The following PRR5L variants were observed in gnomAD, a reference collection of about 807,000 sequenced individuals.
PRR5L encodes the protein proline-rich protein 5-like.
In PRR5L, 21 loss-of-function variants were observed where a neutral mutation model predicts 36.4. The ratio of observed to expected loss-of-function variants is 0.58; its 90% CI spans 0.41 to 0.83. PRR5L has a LOEUF of 0.83. PRR5L is among the 40% of genes least tolerant of loss of function. PRR5L has a pLI of 0.00. For missense variants in PRR5L, 381 were observed against 473.3 expected (o/e 0.80, Z 1.81); for synonymous variants, 188 against 197.0 (o/e 0.95, Z 0.38).
chr11:36,301,762 A>G (rs1277195585), intron 1 of PRR5L, among the ~76,000 whole-genome samples: 1 of 152,242 alleles, frequency 6.6e-6, no homozygotes, highest in Admixed American at 6.5e-5. Flanking sequence ...GAAGACCCTA[A>G]GAGAGAATTG....
intron 1 of PRR5L, among the ~76,000 whole-genome samples, chr11:36,341,044 C>A (rs766676945): frequency 1.3e-5 from 2 of 152,168 alleles, no homozygotes; most frequent in Admixed American, 1.3e-4. Flanking sequence ...CCATCTCCAT[C>A]CCAGATTCTC....
At chr11:36,329,043 A>G (rs1350937788) in intron 1 of PRR5L, 3 of 152,344 alleles carry the variant, frequency 2.0e-5, no homozygotes, top group East Asian at 1.9e-4. Context: ...GGGCATTTCT[A>G]TGGAGACAAA....
chr11:36,415,720 G>T (rs1009501887), intron 3 of PRR5L, among the ~76,000 whole-genome samples: 4 of 152,060 alleles, frequency 2.6e-5, no homozygotes, highest in African/African-American at 9.7e-5. Context: ...CTCCAGCTTG[G>T]GCAACAGAGT....
At chr11:36,454,341 T>G (rs1859004804) in intron 8 of PRR5L, among the ~76,000 whole-genome samples, 1 of 152,172 alleles carries the variant, frequency 6.6e-6, no homozygotes, top group Non-Finnish European at 1.5e-5. Context: ...CCATCCTGAC[T>G]GAGGACACTG....
intron 2 of PRR5L, 67 bp from the exon 3 acceptor site, chr11:36,403,231 T>G: frequency 5.5e-5 from 77 of 1,393,166 alleles, no homozygotes; most frequent in Non-Finnish European, 6.9e-5. Flanking sequence ...CCTTCAGCCC[T>G]GAGCTGCTAT....
chr11:36,342,618 C>T (rs1289856543), intron 1 of PRR5L, among the ~76,000 whole-genome samples: 1 of 152,134 alleles, frequency 6.6e-6, no homozygotes, highest in African/African-American at 2.4e-5. Context: ...GGAGAACTCT[C>T]AGAACACCCA....
intron 1 of PRR5L, among the ~76,000 whole-genome samples, chr11:36,375,113 T>C (rs1857240274): frequency 1.3e-5 from 2 of 151,940 alleles, no homozygotes; most frequent in African/African-American, 4.8e-5. Flanking sequence ...TGCATGCCTG[T>C]AATCCCAGCT....
At chr11:36,348,658 T>C (rs1292243081) in intron 1 of PRR5L, among the ~76,000 whole-genome samples, 1 of 152,200 alleles carries the variant, frequency 6.6e-6, no homozygotes, top group East Asian at 1.9e-4. Flanking sequence ...GTCTTACATA[T>C]TTTCATATTA....
chr11:36,365,541 A>G (rs1376050304), intron 1 of PRR5L, among the ~76,000 whole-genome samples: 1 of 152,232 alleles, frequency 6.6e-6, no homozygotes, highest in East Asian at 1.9e-4. Flanking sequence ...CAAGTTCTTA[A>G]TATACGACTG....
chr11:36,413,954 C>T (rs374032991), intron 3 of PRR5L, among the ~76,000 whole-genome samples: 1 of 145,662 alleles, frequency 6.9e-6, no homozygotes, highest in Non-Finnish European at 1.5e-5. Flanking sequence ...TGAGTGAGAA[C>T]ATGCGGTGTT....
chr11:36,310,342 C>T (rs1217462655), intron 1 of PRR5L, among the ~76,000 whole-genome samples: 1 of 152,122 alleles, frequency 6.6e-6, no homozygotes, highest in African/African-American at 2.4e-5. Context: ...TCCCCTGATC[C>T]TTAGGAGCTG....
intron 2 of PRR5L, among the ~76,000 whole-genome samples, chr11:36,402,520 GGCGTGA>G: frequency 6.6e-6 from 1 of 152,238 alleles, no homozygotes; most frequent in East Asian, 1.9e-4. Flanking sequence ...TGGGATTACA[GGCGTGA>G]GCCACTGTGC....
intron 1 of PRR5L, among the ~76,000 whole-genome samples, chr11:36,360,652 G>T (rs554292938): frequency 2.6e-4 from 39 of 152,334 alleles, no homozygotes; most frequent in African/African-American, 9.1e-4. Context: ...TGTATGTTTA[G>T]GGTCAGTGTG....
intron 3 of PRR5L, among the ~76,000 whole-genome samples, chr11:36,405,804 T>C (rs1857897910): frequency 6.6e-6 from 1 of 152,182 alleles, no homozygotes; most frequent in Non-Finnish European, 1.5e-5. Context: ...GATGGCCCTC[T>C]TCCCGACTGG....
At chr11:36,374,086 C>T (rs1417990076) in intron 1 of PRR5L, among the ~76,000 whole-genome samples, 2 of 117,186 alleles carry the variant, frequency 1.7e-5, no homozygotes, top group Non-Finnish European at 3.5e-5. Flanking sequence ...TCCTTCCTTC[C>T]TTCCTTCCTT....
rs749021854 is a variant in PRR5L at position 36,462,665 on chromosome 11, C to A, written c.1036C>A (p.Pro346Thr). 1.9e-6 allele frequency: 3 copies of A among 1,609,688 alleles called. No homozygotes were observed. In the Admixed American group the frequency reaches 5.0e-5, roughly 27 times the overall value. ...CAGTGAGCCCAACATCACTGACAACCCTGACGGACTGGAGGAGGGGGCCAG... is the reference window on the plus strand; with the variant it reads ...CAGTGAGCCCAACATCACTGACAACACTGACGGACTGGAGGAGGGGGCCAG... ...CSSEPNITDN[P>T]DGLEEGARGS... The change falls in exon 9 of 9, where the codon CCT becomes ACT. Residue 346 changes from proline to threonine, a missense_variant. Coordinates refer to ENST00000530639, the MANE Select transcript of PRR5L (RefSeq NM_001160167.2).
chr11:36,438,771 C>T (rs963262416), intron 6 of PRR5L, among the ~76,000 whole-genome samples: 31 of 151,924 alleles, frequency 2.0e-4, no homozygotes, highest in African/African-American at 7.3e-4. Flanking sequence ...GACAACCCAT[C>T]TCTATTAAAA....
intron 1 of PRR5L, among the ~76,000 whole-genome samples, chr11:36,357,201 A>G (rs901061552): frequency 1.3e-5 from 2 of 152,210 alleles, no homozygotes; most frequent in South Asian, 2.1e-4. Flanking sequence ...CTTTAATCCT[A>G]TGAAGCCTGA....
chr11:36,354,972 G>A (rs1020272160), intron 1 of PRR5L, among the ~76,000 whole-genome samples: 4 of 152,184 alleles, frequency 2.6e-5, no homozygotes, highest in African/African-American at 9.6e-5. Context: ...ACGTAAAGGG[G>A]TAGCTGGGAG....
Sources: allele counts gnomAD v4.1 joint callset (sites outside exome capture counted in the v4.1 genomes callset), GRCh38; gene constraint gnomAD v4.1.1; transcripts MANE v1.5; gene names NCBI Gene and HGNC (gene_info 2026-07-23, HGNC 2026-07-21).